HERC2: variants seen among roughly 807,000 people sequenced by gnomAD.
HERC2 encodes the protein E3 ubiquitin-protein ligase HERC2.
Under a neutral mutation model 537.7 loss-of-function variants are expected in HERC2, and 102 were observed. The observed-to-expected ratio is 0.19, with a 90% confidence interval of 0.16 to 0.22. The LOEUF (loss-of-function observed/expected upper bound fraction) is 0.22, where lower values mean the gene tolerates loss of function less well. Ranked by LOEUF, HERC2 falls within the 10% of genes least tolerant of loss-of-function variation. The pLI, the probability that HERC2 is intolerant of heterozygous loss-of-function variation, is 1.00. For synonymous variants in HERC2, 2,224 were observed against 2,466.2 expected, an observed-to-expected ratio of 0.90 and a Z score of 2.91; for missense variants, 4,236 against 6,198.2, an observed-to-expected ratio of 0.68 and a Z score of 10.63.
chr15:28,239,174 A>C (rs1007665439), intron 23 of HERC2, among the ~76,000 whole-genome samples: 1 of 152,114 alleles, frequency 6.6e-6, no homozygotes, highest in Non-Finnish European at 1.5e-5. Flanking sequence ...AATTCTAAGA[A>C]AAAAATGACT....
At position 28,176,412 on chromosome 15, in the gene HERC2, G is replaced by A. The variant is rs1488892655; in HGVS notation, c.9686+16C>T. The stretch of plus-strand genomic sequence containing the variant: ...GCACAAGCACACACAGTGTGACAGG[G>A]AGGACGTTTACGTACCATGTCCACA... On this transcript the variant is annotated intron_variant, in intron 63 of 92. Coordinates refer to ENST00000261609, the MANE Select transcript of HERC2 (RefSeq NM_004667.6). The surrounding 1 kb of genome is among the most constrained non-coding windows in gnomAD (Gnocchi z 5.0). The A allele has an allele frequency of 3.7e-6, 6 of 1,613,364 alleles. No homozygotes were observed. In the South Asian group the frequency reaches 5.5e-5, roughly 15 times the overall value.
chr15:28,141,668 G>A, intron 77 of HERC2, 38 bp from the exon 78 acceptor site: 1 of 1,612,320 alleles, frequency 6.2e-7, no homozygotes, highest in South Asian at 1.1e-5. Flanking sequence ...CCATGGGCAA[G>A]AACAATGCAC....
At chr15:28,308,558 T>C (rs992547355) in intron 2 of HERC2, among the ~76,000 whole-genome samples, 74 of 152,348 alleles carry the variant, frequency 4.9e-4, no homozygotes, top group African/African-American at 1.6e-3. Context: ...TCTTGTCTGA[T>C]TGCTCTAGCA....
At chr15:28,248,975 T>C (rs570291369) in intron 20 of HERC2, among the ~76,000 whole-genome samples, 18 of 152,328 alleles carry the variant, frequency 1.2e-4, no homozygotes, top group African/African-American at 4.3e-4. Context: ...GCTTCACTAA[T>C]GTGCGCCTAT....
chr15:28,231,461 G>A (rs1365329277), intron 30 of HERC2, among the ~76,000 whole-genome samples: 1 of 152,168 alleles, frequency 6.6e-6, no homozygotes, highest in Non-Finnish European at 1.5e-5. Flanking sequence ...GTCTGAGTGA[G>A]GTCAGTCACA....
chr15:28,288,867 C>CT (rs1032002740), intron 4 of HERC2, among the ~76,000 whole-genome samples: 2 of 148,524 alleles, frequency 1.3e-5, no homozygotes, highest in East Asian at 2.0e-4. Context: ...AAAAAAAAGA[C>CT]TTTTTTTTCT....
In HERC2 at chr15:28,135,634, A is replaced by G; in HGVS notation, c.12074T>C (p.Val4025Ala). The change falls in exon 79 of 93, where the codon GTG becomes GCG. Residue 4025 changes from valine (V) to alanine (A), a missense_variant. By Grantham distance (64) the Val-to-Ala change is moderately conservative (BLOSUM62 0). Around this residue, in one of 27 missense-constraint regions of HERC2, gnomAD observed 43 missense variants for 82.6 expected, o/e 0.52. Coordinates refer to ENST00000261609, the MANE Select transcript of HERC2 (RefSeq NM_004667.6). The stretch of plus-strand genomic sequence containing the variant: ...GGATTCAAGCAATGTTGGGGTGGAC[A>G]CCGACTCTGTCCCTCCAATGCCTAG... The part of the protein sequence containing the change: ...GRLGIGGTES[V>A]STPTLLESIQ... The G allele has an allele frequency of 1.2e-6, 2 of 1,614,114 alleles. No homozygotes were observed. Among genetic ancestry groups the G allele is most frequent in the East Asian group, 2.2e-5 (1 of 44,886 alleles).
intron 2 of HERC2, among the ~76,000 whole-genome samples, chr15:28,308,672 T>C (rs935915747): frequency 3.3e-5 from 5 of 152,252 alleles, no homozygotes; most frequent in African/African-American, 1.2e-4. Context: ...TTCAGTATGA[T>C]ACTAGCTGTG....
Position 28,222,134 on chromosome 15 carries a change from T to C in HERC2, c.5546A>G (p.Lys1849Arg), listed in dbSNP as rs201821203. 872 of 1,258,046 alleles carry C rather than the reference T, an allele frequency of 6.9e-4. 2 individuals are homozygous for C. Among genetic ancestry groups the C allele is most frequent in the Non-Finnish European group, 8.1e-4 (696 of 856,622 alleles). The allele number at this position is 1,258,046 out of a possible 1,614,324, so 77.9% of individuals were successfully genotyped here. The change falls in exon 36 of 93, where the codon AAG becomes AGG. Residue 1849 changes from lysine to arginine, a missense_variant. Physicochemically the swap from Lys to Arg is conservative, Grantham distance 26 (BLOSUM62 2). This residue lies in a region of HERC2 where 343 missense variants were observed against 417.2 expected (regional missense o/e 0.82). Coordinates refer to ENST00000261609, the MANE Select transcript of HERC2 (RefSeq NM_004667.6). ...AGGGAGCTGCACAGGAGCCGTTTCC[T>C]TCCTTGTTTCTTCCAAAACTGTGGC... The part of the protein sequence containing the change: ...ASATVLEETR[K>R]ETAPVQLPVS...
chr15:28,113,612 G>A lies in HERC2; in HGVS notation c.13980C>T (p.Pro4660=), dbSNP rs1887896676. Residue 4660 remains proline (P), a synonymous_variant, in exon 91 of 93, where the codon CCC becomes CCT. Coordinates refer to ENST00000261609, the MANE Select transcript of HERC2 (RefSeq NM_004667.6). This position sits in a 1 kb window ranked among gnomAD's most constrained non-coding sequence, Gnocchi z 7.0. ...REGMARVVPV[P]LLSLFTGYEL... is the part of the protein sequence containing the mutation. ...CGTAGCCGGTGAACAGAGAGAGGAG[G>A]GGAACAGGCACAACGCGGGCCATTC... The A allele has an allele frequency of 3.7e-6, 6 of 1,614,174 alleles. No homozygotes were observed. The East Asian group carries it at 1.3e-4, about 36-fold the overall frequency.
chr15:28,165,150 A>G (rs1484827560), intron 68 of HERC2, among the ~76,000 whole-genome samples: 18 of 152,208 alleles, frequency 1.2e-4, no homozygotes, highest in Non-Finnish European at 1.5e-5. Context: ...CAAGTGAGGA[A>G]GGTGCCACAC....
chr15:28,272,404 T>A lies in HERC2; in HGVS notation c.912-18A>T. On this transcript the variant is annotated intron_variant, in intron 8 of 92. Coordinates refer to ENST00000261609, the MANE Select transcript of HERC2 (RefSeq NM_004667.6). ...ACATTTGGCTAAAGGAGAAAAGATA[T>A]TTATTCTAGTAAAAACAGATTAACT... 1 of 1,600,370 alleles carries A rather than the reference T, an allele frequency of 6.2e-7. No homozygotes were observed. The highest frequency in any genetic ancestry group is 8.5e-7 in the Non-Finnish European group (1 of 1,171,898).
At chr15:28,248,995 C>T (rs112117630) in intron 20 of HERC2, among the ~76,000 whole-genome samples, 17 of 152,320 alleles carry the variant, frequency 1.1e-4, no homozygotes, top group South Asian at 2.1e-4. Context: ...TGGAGCTGCG[C>T]GCAGTGGTCC....
intron 68 of HERC2, among the ~76,000 whole-genome samples, chr15:28,166,658 T>C (rs1052616700): frequency 9.9e-5 from 15 of 152,138 alleles, no homozygotes; most frequent in Non-Finnish European, 1.6e-4. Flanking sequence ...CTAAAAATTA[T>C]GGGGACACAT....
chr15:28,239,075 A>G (rs1902767495), intron 23 of HERC2, among the ~76,000 whole-genome samples: 1 of 152,260 alleles, frequency 6.6e-6, no homozygotes, highest in African/African-American at 2.4e-5. Flanking sequence ...CAGTTAAATT[A>G]GAAATAGGTT....
chr15:28,202,294 C>T (rs1255871982), intron 46 of HERC2, 45 bp from the exon 47 acceptor site: 2 of 1,612,908 alleles, frequency 1.2e-6, no homozygotes, highest in Non-Finnish European at 1.7e-6. Context: ...GAGTCAACAG[C>T]CCTGAAGCGG....
chr15:28,253,845 C>T (rs2075165259), intron 20 of HERC2, among the ~76,000 whole-genome samples: 1 of 151,874 alleles, frequency 6.6e-6, no homozygotes, highest in Admixed American at 6.6e-5. Context: ...GCCTGTAGTC[C>T]CAGCTACTTG....
chr15:28,264,871 G>C (rs1277660764), intron 14 of HERC2, among the ~76,000 whole-genome samples: 1 of 151,964 alleles, frequency 6.6e-6, no homozygotes, highest in Non-Finnish European at 1.5e-5. Flanking sequence ...ACTCACAAAA[G>C]CAGAAACAAC....
At chr15:28,315,360 C>T (rs1426235007) in intron 2 of HERC2, among the ~76,000 whole-genome samples, 5 of 152,344 alleles carry the variant, frequency 3.3e-5, no homozygotes, top group South Asian at 4.1e-4. Context: ...GACATCACAG[C>T]GGAGACTGGA....
Sources: allele counts gnomAD v4.1 joint callset (sites outside exome capture counted in the v4.1 genomes callset), GRCh38; gene constraint gnomAD v4.1.1; regional missense constraint gnomAD v4.1.1; non-coding constraint Gnocchi (gnomAD v3.1); transcripts MANE v1.5; gene names NCBI Gene and HGNC (gene_info 2026-07-23, HGNC 2026-07-21).